The following PROM1 variants were observed in gnomAD, a reference collection of about 807,000 sequenced individuals.
PROM1 encodes prominin 1, also known as prominin-1.
PROM1 carries 105 observed loss-of-function variants against 116.9 expected under a neutral mutation model. The ratio of observed to expected loss-of-function variants is 0.90; its 90% CI spans 0.77 to 1.06. PROM1 has a LOEUF of 1.06. Ranked by LOEUF, PROM1 falls within the 50% of genes least tolerant of loss-of-function variation. The pLI is 0.00. For synonymous variants in PROM1, 393 were observed against 387.0 expected (o/e 1.02, Z -0.18); for missense variants, 1,122 against 1,045.2 (o/e 1.07, Z -1.01).
At chr4:16,041,914 C>G (rs1735392741) in intron 2 of PROM1, among the ~76,000 whole-genome samples, 1 of 151,670 alleles carries the variant, frequency 6.6e-6, no homozygotes, top group Non-Finnish European at 1.5e-5. Context: ...AGTTATCCTC[C>G]CCTCTCCCCT....
chr4:16,041,216 A>G (rs1001270933), intron 2 of PROM1, among the ~76,000 whole-genome samples: 2 of 152,224 alleles, frequency 1.3e-5, no homozygotes, highest in Non-Finnish European at 2.9e-5. Context: ...GGCAGCTGAT[A>G]CTCATTATAT....
chr4:16,078,967 C>T (rs2149602490), intron 1 of PROM1, among the ~76,000 whole-genome samples: 2 of 152,304 alleles, frequency 1.3e-5, no homozygotes, highest in South Asian at 4.2e-4. Context: ...TAACCTCAGG[C>T]CCACGCTTCA....
chr4:16,033,534 C>T, intron 4 of PROM1, 25 bp from the exon 5 acceptor site: 1 of 1,503,744 alleles, frequency 6.7e-7, no homozygotes, highest in South Asian at 1.2e-5. Flanking sequence ...AAAGAAACAG[C>T]ACATATTGTA....
chr4:16,021,203 A>C (rs202169009), intron 8 of PROM1, among the ~76,000 whole-genome samples: 1 of 2,212 alleles, frequency 4.5e-4, no homozygotes, highest in Non-Finnish European at 3.8e-3. Flanking sequence ...TTAAAAAAAC[A>C]AAAAAAAAGA....
intron 26 of PROM1, among the ~76,000 whole-genome samples, chr4:15,972,419 A>G (rs1404532177): frequency 3.3e-5 from 5 of 152,206 alleles, no homozygotes; most frequent in Non-Finnish European, 5.9e-5. Context: ...AAATGAGTGC[A>G]AGAGACAGAC....
At chr4:16,012,696 C>T (rs1023135561) in intron 11 of PROM1, among the ~76,000 whole-genome samples, 34 of 151,728 alleles carry the variant, frequency 2.2e-4, no homozygotes, top group African/African-American at 7.0e-4. Context: ...CAGTGAAACC[C>T]CATCTCTACT....
At chr4:16,026,519 A>T (rs952102336) in intron 5 of PROM1, among the ~76,000 whole-genome samples, 2 of 152,232 alleles carry the variant, frequency 1.3e-5, no homozygotes, top group Non-Finnish European at 2.9e-5. Flanking sequence ...TATCAGATGC[A>T]GAAAATCAAT....
chr4:16,020,359 C>A (rs749107059), intron 8 of PROM1, among the ~76,000 whole-genome samples: 5 of 151,972 alleles, frequency 3.3e-5, no homozygotes, highest in Non-Finnish European at 5.9e-5. Flanking sequence ...CGAAGAGCAC[C>A]CTGGGTATCA....
chr4:16,018,605 C>T, intron 8 of PROM1, 65 bp from the exon 9 acceptor site: 1 of 1,425,566 alleles, frequency 7.0e-7, no homozygotes, highest in Non-Finnish European at 9.7e-7. Context: ...AAAAGTGTGT[C>T]TAAAGGGACT....
intron 15 of PROM1, among the ~76,000 whole-genome samples, chr4:15,997,828 C>G (rs745928123): frequency 6.6e-6 from 1 of 152,158 alleles, no homozygotes; most frequent in Non-Finnish European, 1.5e-5. Flanking sequence ...AGGCACCATT[C>G]GAATCTCATG....
chr4:16,009,182 G>A, intron 11 of PROM1, 74 bp from the exon 12 acceptor site: 1 of 1,325,186 alleles, frequency 7.5e-7, no homozygotes, highest in Non-Finnish European at 1.1e-6. Context: ...GAACCAAACA[G>A]AAAAGCCTGA....
At chr4:16,042,860 C>T (rs145053487) in intron 2 of PROM1, among the ~76,000 whole-genome samples, 1,872 of 152,276 alleles carry the variant, frequency 0.012, 23 homozygotes, top group Admixed American at 0.023. Context: ...CACCCAGTAC[C>T]TCAACGGGAG....
intron 8 of PROM1, among the ~76,000 whole-genome samples, chr4:16,021,594 C>A (rs540764486): frequency 6.6e-6 from 1 of 152,162 alleles, no homozygotes; most frequent in Non-Finnish European, 1.5e-5. Context: ...ATATTGCAAA[C>A]GCACTGACGC....
At chr4:16,037,940 C>T (rs189382294) in intron 3 of PROM1, 2 of 152,316 alleles carry the variant, frequency 1.3e-5, no homozygotes, top group Admixed American at 6.5e-5. Flanking sequence ...TCAAGAGAGG[C>T]GTTCAAGGCC....
At chr4:16,043,957 C>G (rs185352315) in intron 2 of PROM1, among the ~76,000 whole-genome samples, 1 of 152,190 alleles carries the variant, frequency 6.6e-6, no homozygotes, top group African/African-American at 2.4e-5. Flanking sequence ...CACACACCCC[C>G]CAGGTCAGGG....
At chr4:16,017,836 G>A (rs1728786728) in intron 9 of PROM1, among the ~76,000 whole-genome samples, 1 of 151,966 alleles carries the variant, frequency 6.6e-6, no homozygotes, top group African/African-American at 2.4e-5. Flanking sequence ...AAAAAAGTGA[G>A]GTGTGTATCT....
At chr4:16,039,923 G>A (rs1734809431) in intron 2 of PROM1, among the ~76,000 whole-genome samples, 1 of 152,088 alleles carries the variant, frequency 6.6e-6, no homozygotes. Context: ...ATCTAAGAAT[G>A]ATATGAGACA....
chr4:16,040,648 T>A (rs948643054), intron 2 of PROM1, among the ~76,000 whole-genome samples: 11 of 152,246 alleles, frequency 7.2e-5, no homozygotes, highest in African/African-American at 2.7e-4. Context: ...GGTGAATAAC[T>A]GCTACGAACA....
chr4:16,004,892 CCCCT>C (rs1724920844), intron 13 of PROM1, among the ~76,000 whole-genome samples: 1 of 108,012 alleles, frequency 9.3e-6, no homozygotes, highest in African/African-American at 3.6e-5. Flanking sequence ...TCTCTCCCTC[CCCCT>C]CTCTCTCTCC....
Sources: gnomAD v4.1 joint callset for allele counts (sites outside exome capture counted in the v4.1 genomes callset) on GRCh38, gnomAD v4.1.1 for gene constraint, MANE v1.5 for transcripts, NCBI Gene and HGNC (gene_info 2026-07-23, HGNC 2026-07-21) for gene names.